The following MDGA1 variants were observed in gnomAD, a reference collection of about 807,000 sequenced individuals.
MDGA1 encodes MAM domain containing glycosylphosphatidylinositol anchor 1.
A neutral mutation model predicts 101.5 loss-of-function variants in MDGA1; 54 were observed. The ratio of observed to expected loss-of-function variants is 0.53; its 90% CI spans 0.43 to 0.67. The LOEUF (loss-of-function observed/expected upper bound fraction) is 0.67. Ranked by LOEUF, MDGA1 falls within the 30% of genes least tolerant of loss-of-function variation. The probability of loss-of-function intolerance (pLI) is 0.00; values close to 1 mark genes in which losing one functional copy is unlikely to be tolerated. For missense variants in MDGA1, 1,083 were observed against 1,323.8 expected (o/e 0.82, Z 2.82); for synonymous variants, 533 against 558.3 (o/e 0.95, Z 0.64).
At position 37,635,158 on chromosome 6, in the gene MDGA1, G is replaced by A; in HGVS notation, c.*2210C>T. 3.7e-6 allele frequency: 1 copy of A among 273,812 alleles called. No homozygotes were observed. The allele number at this position is 273,812 out of a possible 1,614,324, so 17.0% of individuals were successfully genotyped here. A position where few individuals can be genotyped will look rare whatever the true frequency, so the allele number is the denominator to read the frequency against. On this transcript the variant is annotated 3_prime_UTR_variant, in exon 17 of 17. Transcript: ENST00000434837. The stretch of plus-strand genomic sequence containing the variant: ...ACTGCGCTCCAGTCCAATTAACTCA[G>A]AACCTCTGAGGTGGGAACCAAGCAG...
chr6:37,647,338 G>A lies in MDGA1; in HGVS notation c.1895-14C>T. 6.6e-7 allele frequency: 1 copy of A among 1,518,588 alleles called. No homozygotes were observed. The highest frequency in any genetic ancestry group is 1.2e-5 in the South Asian group (1 of 80,186). The allele number at this position is 1,518,588 out of a possible 1,614,324, so 94.1% of individuals were successfully genotyped here. A position where few individuals can be genotyped will look rare whatever the true frequency, so the allele number is the denominator to read the frequency against. ...TGTAGGCTTTGGCTAAGAGGGCGGGGAGGGGGGCATTGGGCCGTGGAGGGT... is the reference window on the plus strand; with the variant it reads ...TGTAGGCTTTGGCTAAGAGGGCGGGAAGGGGGGCATTGGGCCGTGGAGGGT... On this transcript the variant is annotated splice_polypyrimidine_tract_variant and intron_variant, in intron 9 of 16. Transcript: ENST00000434837.
rs563422852 is a variant in MDGA1, at chr6:37,675,036, G to A, written c.68-10930C>T. On this transcript the variant is annotated intron_variant, in intron 1 of 16. Transcript: ENST00000434837. ...CGTGCCATTGCACTCCAGCCTGGGC[G>A]ACAGAGAGAGACTACATCTCAAAAA... is the stretch of plus-strand genomic sequence containing the variant. Among the ~76,000 whole-genome samples the A allele has an allele frequency of 2.0e-4, 30 of 152,252 alleles. No individual in the cohort carries two copies. The South Asian group carries it at 2.1e-3, about 11-fold the overall frequency.
chr6:37,687,400 T>TTAAAA (rs1554137550), intron 1 of MDGA1, among the ~76,000 whole-genome samples: 1 of 128,938 alleles, frequency 7.8e-6, no homozygotes. Context: ...TACTAAAAAT[T>TTAAAA]AAAAAAAAAA....
intron 5 of MDGA1, 65 bp from the exon 6 acceptor site, chr6:37,654,608 G>C: frequency 1.9e-6 from 3 of 1,608,902 alleles, no homozygotes; most frequent in Non-Finnish European, 1.7e-6. Flanking sequence ...GGGAGAGTAA[G>C]GGGCTAGGAA....
chr6:37,693,097 G>A (rs775747503), intron 1 of MDGA1, among the ~76,000 whole-genome samples: 8 of 152,200 alleles, frequency 5.3e-5, no homozygotes, highest in Non-Finnish European at 8.8e-5. Flanking sequence ...GCTCCCCCTC[G>A]CTTGTGCAAT....
rs566522936 is a variant in MDGA1, at chr6:37,646,765, G to T, written c.2047-390C>A. 1.1e-3 allele frequency among the ~76,000 whole-genome samples: 168 copies of T among 152,224 alleles called. 1 individual carries two copies. Among genetic ancestry groups the T allele is most frequent in the African/African-American group, 3.8e-3 (159 of 41,528 alleles). On this transcript the variant is annotated intron_variant, in intron 10 of 16. Transcript: ENST00000434837. ...GGCTGAGCAGAAGCACATGGAATCA[G>T]ACTGGGCACGAGAACAACAGAGAGA...
chr6:37,670,990 G>A (rs1761857262), intron 1 of MDGA1, among the ~76,000 whole-genome samples: 1 of 152,138 alleles, frequency 6.6e-6, no homozygotes, highest in African/African-American at 2.4e-5. Flanking sequence ...ATCTTTGCTT[G>A]ACACCATATT....
chr6:37,696,776 G>A lies in MDGA1; in HGVS notation c.36C>T (p.Ile12=), dbSNP rs373701087. ...CTCCTTGTCCCCGGCAGTGGAAGGG[G>A]ATCAGCGCCAGAAGTAGAAGGCAGG... is the stretch of plus-strand genomic sequence containing the variant. ...EVTCLLLLAL[I]PFHCRGQGVY... The change falls in exon 1 of 17, where the codon ATC becomes ATT. Residue 12 remains isoleucine, a synonymous_variant. Transcript: ENST00000434837. The surrounding 1 kb of genome is among the most constrained non-coding windows in gnomAD (Gnocchi z 5.6). 1.9e-6 allele frequency: 3 copies of A among 1,584,244 alleles called. No individual in the cohort carries two copies. The highest frequency in any genetic ancestry group is 1.2e-5 in the South Asian group (1 of 86,626).
chr6:37,637,240 G>T lies in MDGA1; in HGVS notation c.*128C>A. ...TTCTCTGCTCATCCTTGCAGCCAATGCAGGCCCCCTCCCTGGCGGGCCGGC... is the reference window on the plus strand; with the variant it reads ...TTCTCTGCTCATCCTTGCAGCCAATTCAGGCCCCCTCCCTGGCGGGCCGGC... On this transcript the variant is annotated 3_prime_UTR_variant, in exon 17 of 17. Coordinates refer to ENST00000434837, the MANE Select transcript of MDGA1 (RefSeq NM_153487.4). The T allele has an allele frequency of 1.5e-6, 1 of 677,962 alleles. No homozygotes were observed. Among genetic ancestry groups the T allele is most frequent in the Non-Finnish European group, 2.6e-6 (1 of 386,318 alleles). The allele number at this position is 677,962 out of a possible 1,614,324, so 42.0% of individuals were successfully genotyped here.
In MDGA1 at chr6:37,643,816, T is replaced by C; in HGVS notation, c.2529A>G (p.Lys843=). 6.2e-7 allele frequency: 1 copy of C among 1,613,872 alleles called. No homozygotes were observed. The highest frequency in any genetic ancestry group is 8.5e-7 in the Non-Finnish European group (1 of 1,179,820). Residue 843 remains lysine, a synonymous_variant, in exon 14 of 17, where the codon AAA becomes AAG. Coordinates refer to ENST00000434837, the MANE Select transcript of MDGA1 (RefSeq NM_153487.4). Reference sequence around the variant, plus strand: ...CCTGGCCCCCCAACTCACCGATGTGTTTCCCGTACATGTGGTAGAAGAAGG... The same window carrying C: ...CCTGGCCCCCCAACTCACCGATGTGCTTCCCGTACATGTGGTAGAAGAAGG... ...CVSFFYHMYG[K]HIGSLNLLVR...
At chr6:37,661,353 C>G (rs181119024) in intron 2 of MDGA1, among the ~76,000 whole-genome samples, 1 of 152,296 alleles carries the variant, frequency 6.6e-6, no homozygotes, top group Non-Finnish European at 1.5e-5. Flanking sequence ...CTTCTCACAG[C>G]TTGTTTGGAG....
At chr6:37,650,033 G>A in intron 8 of MDGA1, 76 bp downstream of exon 8, 15 of 1,576,612 alleles carry the variant, frequency 9.5e-6, no homozygotes, top group Non-Finnish European at 1.3e-5. Context: ...GTGGGTGAGA[G>A]GATGAAGAGG....
At chr6:37,671,880 C>A (rs867623278) in intron 1 of MDGA1, among the ~76,000 whole-genome samples, 2 of 152,218 alleles carry the variant, frequency 1.3e-5, no homozygotes, top group East Asian at 3.8e-4. Flanking sequence ...CACCTTCAGG[C>A]CTATAATCCC....
chr6:37,643,745 G>T (rs892080897), intron 14 of MDGA1, 64 bp downstream of exon 14: 7 of 1,596,880 alleles, frequency 4.4e-6, no homozygotes, highest in Admixed American at 1.7e-5. Context: ...GCCTCCTGTG[G>T]ACCCCACTCC....
Position 37,697,258 on chromosome 6 carries a change from G to T in MDGA1, c.-447C>A, listed in dbSNP as rs1762442124. ...CGCCCCTCAGCGGAGCGGAGTCGGG[G>T]AGGCCGGGGCTCCGCTCGAGTTAAT... is the stretch of plus-strand genomic sequence containing the variant. On this transcript the variant is annotated 5_prime_UTR_variant, in exon 1 of 17. Transcript: ENST00000434837. 1.2e-5 allele frequency: 2 copies of T among 162,062 alleles called. No homozygotes were observed. The highest frequency in any genetic ancestry group is 4.0e-4 in the South Asian group (2 of 4,950). 10.0% of individuals were successfully genotyped at this position (162,062 alleles called of 1,614,324 possible).
At chr6:37,685,860 C>T (rs1762186486) in intron 1 of MDGA1, among the ~76,000 whole-genome samples, 1 of 152,150 alleles carries the variant, frequency 6.6e-6, no homozygotes, top group African/African-American at 2.4e-5. Flanking sequence ...CCCACCCCCA[C>T]CCCACCTGAG....
intron 1 of MDGA1, among the ~76,000 whole-genome samples, chr6:37,676,303 A>G (rs1008028863): frequency 2.0e-5 from 3 of 152,234 alleles, no homozygotes; most frequent in African/African-American, 7.2e-5. Flanking sequence ...TGGGCCAGGA[A>G]GTGGGGATGG....
intron 1 of MDGA1, among the ~76,000 whole-genome samples, chr6:37,666,462 G>C (rs192509993): frequency 3.9e-5 from 6 of 152,090 alleles, no homozygotes; most frequent in Admixed American, 3.9e-4. Flanking sequence ...AGATAAATAA[G>C]ATAAAGCCTG....
Position 37,636,012 on chromosome 6 carries a change from C to T in MDGA1, c.*1356G>A, listed in dbSNP as rs543173664. The stretch of plus-strand genomic sequence containing the variant: ...ACACTCCTGCCCAACAATGTACCCA[C>T]GGTGGTACCTAGACACAGACGGGCA... On this transcript the variant is annotated 3_prime_UTR_variant, in exon 17 of 17. Coordinates refer to ENST00000434837, the MANE Select transcript of MDGA1 (RefSeq NM_153487.4). 2.0e-5 allele frequency: 7 copies of T among 346,730 alleles called. No homozygotes were observed. The highest frequency in any genetic ancestry group is 1.5e-4 in the South Asian group (1 of 6,522). 21.5% of individuals were successfully genotyped at this position (346,730 alleles called of 1,614,324 possible).
Sources: gnomAD v4.1 joint callset for allele counts (sites outside exome capture counted in the v4.1 genomes callset) on GRCh38, gnomAD v4.1.1 for gene constraint, Gnocchi (gnomAD v3.1) non-coding constraint, MANE v1.5 for transcripts, NCBI Gene and HGNC (gene_info 2026-07-23, HGNC 2026-07-21) for gene names.